The following UBFD1 variants were observed in gnomAD, a reference collection of about 807,000 sequenced individuals.
UBFD1 encodes ubiquitin family domain containing 1.
A neutral mutation model predicts 35.1 loss-of-function variants in UBFD1; 12 were observed. That is an observed-to-expected ratio of 0.34 (90% CI 0.22 to 0.55). The LOEUF (loss-of-function observed/expected upper bound fraction) is 0.55, where lower values mean the gene tolerates loss of function less well. Among genes scored for constraint, UBFD1 ranks in the 20% least tolerant of loss-of-function variants. The pLI, the probability that UBFD1 is intolerant of heterozygous loss-of-function variation, is 0.89. For synonymous variants in UBFD1, 178 were observed against 167.6 expected (o/e 1.06, Z -0.48); for missense variants, 337 against 410.8 (o/e 0.82, Z 1.55).
intron 4 of UBFD1, 49 bp from the exon 5 acceptor site, chr16:23,562,575 CT>C: frequency 6.3e-7 from 1 of 1,581,542 alleles, no homozygotes; most frequent in Non-Finnish European, 8.7e-7. Flanking sequence ...GCCCCCTTCT[CT>C]TTTTTTCTGA....
At chr16:23,566,895 C>A in intron 5 of UBFD1, 92 bp from the exon 6 acceptor site, 1 of 1,254,476 alleles carries the variant, frequency 8.0e-7, no homozygotes, top group Non-Finnish European at 1.1e-6. Context: ...CTGTAGATCC[C>A]GCAGCCACCA....
chr16:23,559,940 A>C, intron 3 of UBFD1: 4 of 1,410,766 alleles, frequency 2.8e-6, no homozygotes, highest in Non-Finnish European at 3.8e-6. Flanking sequence ...CATGTGTTGA[A>C]AGGAATCAGA....
chr16:23,568,979 A>G (rs1490018389), intron 6 of UBFD1: 1 of 152,164 alleles, frequency 6.6e-6, no homozygotes, highest in Non-Finnish European at 1.5e-5. Context: ...AGGGAGTCCA[A>G]GGAAGTTGAG....
intron 5 of UBFD1, among the ~76,000 whole-genome samples, chr16:23,563,543 G>A (rs1965969036): frequency 6.6e-6 from 1 of 152,100 alleles, no homozygotes; most frequent in Non-Finnish European, 1.5e-5. Flanking sequence ...TTTAAACTTG[G>A]TCTGTTCAAA....
intron 5 of UBFD1, 90 bp from the exon 6 acceptor site, chr16:23,566,897 C>A: frequency 1.6e-6 from 2 of 1,266,498 alleles, no homozygotes; most frequent in Non-Finnish European, 1.1e-6. Context: ...GTAGATCCCG[C>A]AGCCACCAGC....
At chr16:23,563,233 G>A (rs948400759) in intron 5 of UBFD1, among the ~76,000 whole-genome samples, 1 of 152,110 alleles carries the variant, frequency 6.6e-6, no homozygotes, top group African/African-American at 2.4e-5. Context: ...GAAGTAGCCA[G>A]CTTTGTTCAT....
At chr16:23,559,977 C>A in intron 3 of UBFD1, 1 of 1,090,220 alleles carries the variant, frequency 9.2e-7, no homozygotes, top group Non-Finnish European at 1.3e-6. Context: ...TTATTTAGTG[C>A]CAGAGAAAAC....
At position 23,558,154 on chromosome 16, in the gene UBFD1, C is replaced by T. The variant is rs766257618; in HGVS notation, c.230C>T (p.Ala77Val). 2 of 1,605,082 alleles carry T rather than the reference C, an allele frequency of 1.2e-6. No homozygotes were observed. Among genetic ancestry groups the T allele is most frequent in the Non-Finnish European group, 1.7e-6 (2 of 1,176,640 alleles). ...AQASVSNGED[A>V]GGGAGRELVD... ...GCCTCGGTCAGCAACGGCGAAGACG[C>T]GGGCGGCGGCGCGGGCAGGGAGCTG... The change falls in exon 2 of 7, where the codon GCG becomes GTG. Residue 77 changes from alanine (A) to valine (V), a missense_variant. Ala to Val is a moderately conservative substitution (Grantham distance 64). This residue lies in a region of UBFD1 where 198 missense variants were observed against 168.4 expected (regional missense o/e 1.18). Transcript: ENST00000395878.
In UBFD1 at chr16:23,572,051, G is replaced by A. The variant is rs1273447238; in HGVS notation, c.*1461G>A. On this transcript the variant is annotated 3_prime_UTR_variant, in exon 7 of 7. Coordinates refer to ENST00000395878, the MANE Select transcript of UBFD1 (RefSeq NM_019116.3). ...GCTGTCACCCCTCATTCTGTGAAAC[G>A]TATTAGCATGTGTTCGCCCAAGATG... 1.3e-5 allele frequency: 2 copies of A among 152,708 alleles called. No homozygotes were observed. The highest frequency in any genetic ancestry group is 2.9e-5 in the Non-Finnish European group (2 of 68,022). 9.5% of individuals were successfully genotyped at this position (152,708 alleles called of 1,614,324 possible). A position where few individuals can be genotyped will look rare whatever the true frequency, so the allele number is the denominator to read the frequency against.
At chr16:23,558,486 C>T (rs192968883) in intron 2 of UBFD1, among the ~76,000 whole-genome samples, 190 of 152,254 alleles carry the variant, frequency 1.2e-3, no homozygotes, top group African/African-American at 4.4e-3. Context: ...GGATTAAAGC[C>T]GAAGTCTGAC....
Position 23,558,225 on chromosome 16 carries a change from T to G in UBFD1, c.301T>G (p.Phe101Val). 1 of 1,610,032 alleles carries G rather than the reference T, an allele frequency of 6.2e-7. No individual in the cohort carries two copies. Among genetic ancestry groups the G allele is most frequent in the South Asian group, 1.1e-5 (1 of 90,424 alleles). The stretch of plus-strand genomic sequence containing the variant: ...GAATAAGACCAAGCATGACGTGAAG[T>G]TCCCCCTGGACAGCACAGGCTCCGA... ...IWNKTKHDVKFPLDSTGSELK... is the reference protein window; with the variant it reads ...IWNKTKHDVKVPLDSTGSELK... Residue 101 changes from phenylalanine to valine, a missense_variant, in exon 2 of 7, where the codon TTC becomes GTC. Physicochemically the swap from Phe to Val is conservative, Grantham distance 50 (BLOSUM62 -1). Around this residue, in one of 4 missense-constraint regions of UBFD1, gnomAD observed 198 missense variants for 168.4 expected, o/e 1.18. Transcript: ENST00000395878.
Position 23,574,094 on chromosome 16 carries a change from T to A in UBFD1, c.*3504T>A, listed in dbSNP as rs1233312222. On this transcript the variant is annotated 3_prime_UTR_variant, in exon 7 of 7. Coordinates refer to ENST00000395878, the MANE Select transcript of UBFD1 (RefSeq NM_019116.3). ...GCCCTCTCGCATGCAGAACATCTGG[T>A]AGATTGATCTGCCAGGCTGGGTGGT... 1 of 152,618 alleles carries A rather than the reference T, an allele frequency of 6.6e-6. No individual in the cohort carries two copies. The highest frequency in any genetic ancestry group is 1.9e-4 in the East Asian group (1 of 5,208). 9.5% of individuals were successfully genotyped at this position (152,618 alleles called of 1,614,324 possible).
chr16:23,559,223 G>A (rs905310291), intron 2 of UBFD1: 25 of 389,122 alleles, frequency 6.4e-5, no homozygotes, highest in African/African-American at 3.7e-4. Flanking sequence ...GCTAGCCACC[G>A]TACTAAATGC....
chr16:23,570,017 C>T (rs753133482), intron 6 of UBFD1, among the ~76,000 whole-genome samples: 13 of 152,164 alleles, frequency 8.5e-5, no homozygotes, highest in Non-Finnish European at 1.8e-4. Flanking sequence ...TGTAGGTTGC[C>T]CCAGGTTTTT....
chr16:23,563,098 T>C (rs971711624), intron 5 of UBFD1, among the ~76,000 whole-genome samples: 5 of 151,632 alleles, frequency 3.3e-5, no homozygotes, highest in Non-Finnish European at 7.4e-5. Flanking sequence ...TTTTTTTGGC[T>C]TCTCTTGAAA....
At position 23,571,498 on chromosome 16, in the gene UBFD1, C is replaced by G. The variant is rs963799575; in HGVS notation, c.*908C>G. The G allele has an allele frequency of 6.6e-6, 1 of 152,428 alleles. No homozygotes were observed. Among genetic ancestry groups the G allele is most frequent in the African/African-American group, 2.4e-5 (1 of 41,594 alleles). The allele number at this position is 152,428 out of a possible 1,614,324, so 9.4% of individuals were successfully genotyped here. ...GCCTGGGCTGTGCCGCTCAACAGCC[C>G]CAGCTCCCAAGCAGACAAAGACCTC... On this transcript the variant is annotated 3_prime_UTR_variant, in exon 7 of 7. Coordinates refer to ENST00000395878, the MANE Select transcript of UBFD1 (RefSeq NM_019116.3).
chr16:23,557,761 C>G lies in UBFD1; in HGVS notation c.19C>G (p.Pro7Ala). 7.7e-7 allele frequency: 1 copy of G among 1,299,444 alleles called. No individual in the cohort carries two copies. The highest frequency in any genetic ancestry group is 9.8e-7 in the Non-Finnish European group (1 of 1,023,410). 80.5% of individuals were successfully genotyped at this position (1,299,444 alleles called of 1,614,324 possible). Residue 7 changes from proline (P) to alanine (A), a missense_variant, in exon 1 of 7, where the codon CCG becomes GCG. Pro to Ala is a conservative substitution (Grantham distance 27). Coordinates refer to ENST00000395878, the MANE Select transcript of UBFD1 (RefSeq NM_019116.3). ...AATCATCATGGCGGCGGCCGGGGCC[C>G]CGGATGGTGAGTGCGGCGGGGGTGG... MAAAGA[P>A]DGMEEPGMDT...
rs1185425493 is a variant in UBFD1, at chr16:23,570,801, G to A, written c.*211G>A. The A allele has an allele frequency of 4.4e-6, 2 of 450,178 alleles. No individual in the cohort carries two copies. Among genetic ancestry groups the A allele is most frequent in the African/African-American group, 4.0e-5 (2 of 49,928 alleles). 27.9% of individuals were successfully genotyped at this position (450,178 alleles called of 1,614,324 possible). On this transcript the variant is annotated 3_prime_UTR_variant, in exon 7 of 7. Transcript: ENST00000395878. The stretch of plus-strand genomic sequence containing the variant: ...AAAATTACCAGTTCCCTTTCTTGCA[G>A]TCAGCTTCATACCATTTTTAAAGTC...
chr16:23,563,302 C>T (rs1003177658), intron 5 of UBFD1, among the ~76,000 whole-genome samples: 10 of 152,056 alleles, frequency 6.6e-5, no homozygotes, highest in African/African-American at 2.4e-4. Context: ...TGAAGTTTTC[C>T]TAACCGCTGC....
Sources: allele counts gnomAD v4.1 joint callset (sites outside exome capture counted in the v4.1 genomes callset), GRCh38; gene constraint gnomAD v4.1.1; regional missense constraint gnomAD v4.1.1; transcripts MANE v1.5; gene names NCBI Gene and HGNC (gene_info 2026-07-23, HGNC 2026-07-21).